The following PPP1R12C variants were observed in gnomAD, a reference collection of about 807,000 sequenced individuals.
The protein encoded by PPP1R12C is protein phosphatase 1 regulatory subunit 12C.
Under a neutral mutation model 95.6 loss-of-function variants are expected in PPP1R12C, and 48 were observed. That is an observed-to-expected ratio of 0.50 (90% confidence interval 0.40 to 0.64). The LOEUF is 0.64. Ranked by LOEUF, PPP1R12C falls within the 30% of genes least tolerant of loss-of-function variation. PPP1R12C has a pLI of 0.00. For missense variants in PPP1R12C, 1,057 were observed against 1,083.3 expected, an observed-to-expected ratio of 0.98 and a Z score of 0.34; for synonymous variants, 480 against 460.8, an observed-to-expected ratio of 1.04 and a Z score of -0.53.
At chr19:55,094,902 G>T in intron 11 of PPP1R12C, 104 bp from the exon 12 acceptor site, 1 of 1,312,488 alleles carries the variant, frequency 7.6e-7, no homozygotes, top group Non-Finnish European at 1.1e-6. Flanking sequence ...GGCCACAACA[G>T]AGTCAGAGCT....
intron 15 of PPP1R12C, 63 bp downstream of exon 15, chr19:55,092,953 A>G (rs1254012039): frequency 2.6e-5 from 41 of 1,574,692 alleles, no homozygotes; most frequent in Non-Finnish European, 3.4e-5. Context: ...CCAGGAAAGC[A>G]AGAAGACTAT....
rs914388047 is a variant in PPP1R12C, at chr19:55,096,391, A to C, written c.952-56T>G. ...GGGTGGAGCACACGTGCCCCACAGC[A>C]ACACCACCACAAACAGCTGTGCAGG... On this transcript the variant is annotated intron_variant, in intron 6 of 21. Coordinates refer to ENST00000263433, the MANE Select transcript of PPP1R12C (RefSeq NM_017607.4). The C allele has an allele frequency of 1.9e-6, 3 of 1,566,410 alleles. No homozygotes were observed. The African/African-American group carries it at 4.1e-5, about 21-fold the overall frequency.
chr19:55,092,208 C>A lies in PPP1R12C; in HGVS notation c.2160+14G>T. Reference sequence around the variant, plus strand: ...CCCTGCCAGTTCCCGTGACCCTGGCCTCGGCGCCCTTACCTGCGTGGCCCG... The same window carrying A: ...CCCTGCCAGTTCCCGTGACCCTGGCATCGGCGCCCTTACCTGCGTGGCCCG... On this transcript the variant is annotated intron_variant, in intron 19 of 21. Transcript: ENST00000263433. 6.4e-7 allele frequency: 1 copy of A among 1,551,442 alleles called. No homozygotes were observed. Among genetic ancestry groups the A allele is most frequent in the Non-Finnish European group, 8.7e-7 (1 of 1,150,750 alleles).
In PPP1R12C at chr19:55,091,297, G is replaced by T; in HGVS notation, c.*175C>A. ...GGCCTCCCACCTCCATCCTGGCCTC[G>T]GGTGGCCCCCTCGGCTCCTGGGGAC... On this transcript the variant is annotated 3_prime_UTR_variant, in exon 22 of 22. Coordinates refer to ENST00000263433, the MANE Select transcript of PPP1R12C (RefSeq NM_017607.4). 3.0e-6 allele frequency: 2 copies of T among 675,504 alleles called. No homozygotes were observed. The highest frequency in any genetic ancestry group is 4.9e-6 in the Non-Finnish European group (2 of 404,158). 41.8% of individuals were successfully genotyped at this position (675,504 alleles called of 1,614,324 possible).
Position 55,103,496 on chromosome 19 carries a change from C to T in PPP1R12C, c.644G>A (p.Gly215Glu). The T allele has an allele frequency of 6.2e-7, 1 of 1,603,962 alleles. No individual in the cohort carries two copies. The highest frequency in any genetic ancestry group is 8.5e-7 in the Non-Finnish European group (1 of 1,172,930). ...LLHDTRCWLN[G>E]GAMPEARHPR... ...GTGCCGGGCCTCTGGCATGGCGCCC[C>T]CATTCAGCCAGCACCTCGTGTCATG... The change falls in exon 4 of 22, where the codon GGG becomes GAG. Residue 215 changes from glycine (G) to glutamate (E), a missense_variant. By Grantham distance (98) the Gly-to-Glu change is moderately conservative. Transcript: ENST00000263433.
At chr19:55,113,558 G>T in intron 1 of PPP1R12C, 1 of 1,339,576 alleles carries the variant, frequency 7.5e-7, no homozygotes, top group Non-Finnish European at 9.6e-7. Context: ...GGAGGGACTT[G>T]CCCCAGGCCT....
At chr19:55,098,641 G>A (rs1256358669) in intron 6 of PPP1R12C, 143 bp downstream of exon 6, 3 of 1,008,344 alleles carry the variant, frequency 3.0e-6, no homozygotes, top group Non-Finnish European at 4.5e-6. Flanking sequence ...GGCTGGGGCT[G>A]GGGCTGGGTC....
chr19:55,094,916 C>T (rs576730426), intron 11 of PPP1R12C, 118 bp from the exon 12 acceptor site: 3 of 1,197,884 alleles, frequency 2.5e-6, no homozygotes, highest in South Asian at 2.6e-5. Context: ...CAGAGCTGAG[C>T]AGAAATACAC....
At chr19:55,091,956 C>G (rs1462321859) in intron 19 of PPP1R12C, 47 bp from the exon 20 acceptor site, 1 of 1,607,804 alleles carries the variant, frequency 6.2e-7, no homozygotes, top group Non-Finnish European at 8.5e-7. Context: ...GAAGCCAGCA[C>G]TGCTCTGAAG....
At chr19:55,117,156 G>A in intron 1 of PPP1R12C, 67 bp downstream of exon 1, 1 of 1,166,650 alleles carries the variant, frequency 8.6e-7, no homozygotes, top group Admixed American at 4.5e-5. Flanking sequence ...CGGGGAAGGA[G>A]GATGCCCCAG....
At chr19:55,092,740 G>T (rs191802870) in intron 16 of PPP1R12C, 43 bp downstream of exon 16, 2 of 990,518 alleles carry the variant, frequency 2.0e-6, no homozygotes, top group Non-Finnish European at 3.0e-6. Flanking sequence ...CCCGCCCCCC[G>T]GCCCACCCTC....
At chr19:55,107,700 T>TG (rs2085053368) in intron 3 of PPP1R12C, among the ~76,000 whole-genome samples, 1 of 81,170 alleles carries the variant, frequency 1.2e-5, no homozygotes, top group Non-Finnish European at 2.2e-5. Flanking sequence ...GGGCCTGTCG[T>TG]GGGGTGGGGG....
chr19:55,095,733 A>G lies in PPP1R12C; in HGVS notation c.1228-130T>C, dbSNP rs1001518817. On this transcript the variant is annotated intron_variant, in intron 9 of 21. Coordinates refer to ENST00000263433, the MANE Select transcript of PPP1R12C (RefSeq NM_017607.4). Reference sequence around the variant, plus strand: ...CCGGGGCAGGCACAGCCTAAAAAGGAAGCCGGTTGTCCAGGACGACTCTGG... The same window carrying G: ...CCGGGGCAGGCACAGCCTAAAAAGGGAGCCGGTTGTCCAGGACGACTCTGG... The G allele has an allele frequency of 3.6e-5, 54 of 1,516,542 alleles. No individual in the cohort carries two copies. In the African/African-American group the frequency reaches 7.2e-4, roughly 20 times the overall value. 93.9% of individuals were successfully genotyped at this position (1,516,542 alleles called of 1,614,324 possible).
Position 55,091,065 on chromosome 19 carries a change from C to T in PPP1R12C, c.*407G>A. ...ACATGGACCCTATATACAGGCCCAC[C>T]TGGCTGAGGCTGGCGGGACTCTTGG... On this transcript the variant is annotated 3_prime_UTR_variant, in exon 22 of 22. Coordinates refer to ENST00000263433, the MANE Select transcript of PPP1R12C (RefSeq NM_017607.4). 1 of 259,090 alleles carries T rather than the reference C, an allele frequency of 3.9e-6. No homozygotes were observed. Among genetic ancestry groups the T allele is most frequent in the Non-Finnish European group, 7.6e-6 (1 of 131,994 alleles). 16.0% of individuals were successfully genotyped at this position (259,090 alleles called of 1,614,324 possible).
Position 55,093,163 on chromosome 19 carries a change from G to A in PPP1R12C, c.1754C>T (p.Ala585Val). ...AGKAPESEKP[A>V]QSLDPSRRPR... ...GCTGACCCCTCTCACCAGGCTCTGC[G>A]CCGGCTTCTCTGACTCTGGGGCCTT... is the stretch of plus-strand genomic sequence containing the variant. Residue 585 changes from alanine (A) to valine (V), a missense_variant, in exon 14 of 22, where the codon GCG becomes GTG. Around this residue, in one of 5 missense-constraint regions of PPP1R12C, gnomAD observed 347 missense variants for 307.9 expected, o/e 1.13. Transcript: ENST00000263433. The A allele has an allele frequency of 6.2e-7, 1 of 1,613,646 alleles. No homozygotes were observed. The highest frequency in any genetic ancestry group is 1.7e-4 in the Middle Eastern group (1 of 6,058).
At chr19:55,108,693 TTTTTG>T (rs1346331501) in intron 3 of PPP1R12C, among the ~76,000 whole-genome samples, 2 of 152,114 alleles carry the variant, frequency 1.3e-5, no homozygotes, top group African/African-American at 4.8e-5. Flanking sequence ...CATTGTGTGT[TTTTTG>T]TTTTGTCTTG....
At chr19:55,106,775 T>A (rs1433240343) in intron 3 of PPP1R12C, among the ~76,000 whole-genome samples, 1 of 152,108 alleles carries the variant, frequency 6.6e-6, no homozygotes, top group East Asian at 1.9e-4. Context: ...CTTTGCCCCA[T>A]ATGGTTTCAA....
chr19:55,101,449 CA>C (rs2084978085), intron 4 of PPP1R12C, among the ~76,000 whole-genome samples: 1 of 152,192 alleles, frequency 6.6e-6, no homozygotes, highest in Non-Finnish European at 1.5e-5. Context: ...CAGCTGAAGA[CA>C]AATCTCCAAC....
intron 19 of PPP1R12C, 72 bp from the exon 20 acceptor site, chr19:55,091,981 G>A: frequency 3.2e-6 from 5 of 1,566,204 alleles, no homozygotes; most frequent in Non-Finnish European, 4.4e-6. Flanking sequence ...CTAGGCTCCT[G>A]CTGGGCACCC....
Sources: allele counts gnomAD v4.1 joint callset (sites outside exome capture counted in the v4.1 genomes callset), GRCh38; gene constraint gnomAD v4.1.1; regional missense constraint gnomAD v4.1.1; transcripts MANE v1.5; gene names NCBI Gene and HGNC (gene_info 2026-07-23, HGNC 2026-07-21).